MLLT6: variants seen among roughly 807,000 people sequenced by gnomAD.
MLLT6 encodes the protein protein AF-17.
A neutral mutation model predicts 103.0 loss-of-function variants in MLLT6; 22 were observed. The ratio of observed to expected loss-of-function variants is 0.21; its 90% CI spans 0.15 to 0.31. The LOEUF is 0.31. MLLT6 is among the 10% of genes least tolerant of loss of function. MLLT6 has a pLI of 1.00. For missense variants in MLLT6, 1,199 were observed against 1,441.7 expected, an observed-to-expected ratio of 0.83 and a Z score of 2.73; for synonymous variants, 606 against 623.5, an observed-to-expected ratio of 0.97 and a Z score of 0.42.
rs1343705600 is a variant in MLLT6, at chr17:38,712,029, C to T, written c.720+15C>T. ...GCCAGAAGAAGGTAGAAGTCCTCCC[C>T]CACCTGCCATCACTCCCACACGGGG... is the stretch of plus-strand genomic sequence containing the variant. On this transcript the variant is annotated intron_variant, in intron 7 of 19. Coordinates refer to ENST00000621332, the MANE Select transcript of MLLT6 (RefSeq NM_005937.4). The T allele has an allele frequency of 1.3e-5, 20 of 1,534,610 alleles. No homozygotes were observed. The highest frequency in any genetic ancestry group is 1.8e-5 in the Non-Finnish European group (20 of 1,139,094).
rs186310825 is a variant in MLLT6, at chr17:38,709,545, C to T, written c.522C>T (p.Cys174=). ...TGGAGGTGGACAACGTCAAGTACTG[C>T]GGCTACTGCAAATACCACTTCAGCA... is the stretch of plus-strand genomic sequence containing the variant. ...EVLEVDNVKY[C]GYCKYHFSKM... is the part of the protein sequence containing the mutation. Residue 174 remains cysteine (C), a synonymous_variant, in exon 6 of 20, where the codon TGC becomes TGT. Transcript: ENST00000621332. This position sits in a 1 kb window ranked among gnomAD's most constrained non-coding sequence, Gnocchi z 4.3. 372 of 1,614,030 alleles carry T rather than the reference C, an allele frequency of 2.3e-4. 1 individual carries two copies. The East Asian group carries it at 7.1e-3, about 31-fold the overall frequency.
At chr17:38,719,029 A>G (rs1905518220) in intron 12 of MLLT6, 1 of 190,400 alleles carries the variant, frequency 5.3e-6, no homozygotes, top group Non-Finnish European at 1.1e-5. Context: ...AAAGTCATAC[A>G]GAGCTAATTA....
intron 1 of MLLT6, 184 bp from the exon 2 acceptor site, chr17:38,706,766 G>A: frequency 2.1e-6 from 1 of 467,346 alleles, no homozygotes; most frequent in East Asian, 3.4e-5. Context: ...TTAATTGTGT[G>A]GTTGAAGGCT....
At position 38,724,875 on chromosome 17, in the gene MLLT6, G is replaced by C; in HGVS notation, c.3139G>C (p.Ala1047Pro). 1 of 1,561,480 alleles carries C rather than the reference G, an allele frequency of 6.4e-7. No homozygotes were observed. The highest frequency in any genetic ancestry group is 8.7e-7 in the Non-Finnish European group (1 of 1,153,082). ...CATGGCCGCAGCAGCTGCAGCTGCA[G>C]CAGTAGCAGCAGCAGGCGGACCTCC... ...SLMAAAAAAA[A>P]VAAAGGPPVL... The change falls in exon 19 of 20, where the codon GCA becomes CCA. Residue 1047 changes from alanine to proline, a missense_variant. Coordinates refer to ENST00000621332, the MANE Select transcript of MLLT6 (RefSeq NM_005937.4). This position sits in a 1 kb window ranked among gnomAD's most constrained non-coding sequence, Gnocchi z 5.4.
At position 38,709,870 on chromosome 17, in the gene MLLT6, A is replaced by C. The variant is rs1309419477; in HGVS notation, c.552+295A>C. Among the ~76,000 whole-genome samples, 1 of 152,208 alleles carries C rather than the reference A, an allele frequency of 6.6e-6. No individual in the cohort carries two copies. Among genetic ancestry groups the C allele is most frequent in the Non-Finnish European group, 1.5e-5 (1 of 68,038 alleles). ...TTAAGCTGAGTGGAGGTGGAAATCA[A>C]AGTAAGAGCCAACATTTGTGTGGGA... On this transcript the variant is annotated intron_variant, in intron 6 of 19. Transcript: ENST00000621332. The surrounding 1 kb of genome is among the most constrained non-coding windows in gnomAD (Gnocchi z 4.3).
intron 4 of MLLT6, 131 bp downstream of exon 4, chr17:38,708,003 C>T: frequency 3.0e-6 from 2 of 657,716 alleles, no homozygotes; most frequent in Non-Finnish European, 5.5e-6. Flanking sequence ...TGGGTAGGTA[C>T]CTACCAGTGA....
Position 38,711,919 on chromosome 17 carries a change from G to A in MLLT6, c.625G>A (p.Gly209Ser). Residue 209 changes from glycine (G) to serine (S), a missense_variant, in exon 7 of 20, where the codon GGC becomes AGC. By Grantham distance (56) the Gly-to-Ser change is moderately conservative (BLOSUM62 0). Around this residue, in one of 7 missense-constraint regions of MLLT6, gnomAD observed 1,034 missense variants for 1,091.5 expected, o/e 0.95. Coordinates refer to ENST00000621332, the MANE Select transcript of MLLT6 (RefSeq NM_005937.4). ...GGGGGSMGGG[G>S]SGFISGRRSR... is the part of the protein sequence containing the mutation. ...AGGAGGTGGCAGCATGGGGGGAGGT[G>A]GCAGTGGTTTCATCTCTGGGAGGAG... is the stretch of plus-strand genomic sequence containing the variant. 6.2e-7 allele frequency: 1 copy of A among 1,609,208 alleles called. No individual in the cohort carries two copies. Among genetic ancestry groups the A allele is most frequent in the Non-Finnish European group, 8.5e-7 (1 of 1,177,430 alleles).
Position 38,724,600 on chromosome 17 carries a change from G to A in MLLT6, c.2884-20G>A. The A allele has an allele frequency of 2.6e-6, 4 of 1,546,244 alleles. No individual in the cohort carries two copies. The highest frequency in any genetic ancestry group is 3.5e-6 in the Non-Finnish European group (4 of 1,141,234). On this transcript the variant is annotated intron_variant, in intron 18 of 19. Coordinates refer to ENST00000621332, the MANE Select transcript of MLLT6 (RefSeq NM_005937.4). The surrounding 1 kb of genome is among the most constrained non-coding windows in gnomAD (Gnocchi z 5.4). ...GACCCCCGGGACTGTTGGCCAACAA[G>A]CGGTCTGGCCCCCTTGCAGGAACAC...
chr17:38,720,044 C>T (rs1174813911), intron 14 of MLLT6, 149 bp downstream of exon 14: 46 of 1,173,910 alleles, frequency 3.9e-5, no homozygotes, highest in Non-Finnish European at 5.2e-5. Context: ...CCTCCCATCC[C>T]TGCCAGGCCA....
At position 38,716,990 on chromosome 17, in the gene MLLT6, C is replaced by A. The variant is rs745630128; in HGVS notation, c.1651+9C>A. ...CCCCTTACTAGGGGCAGGTTAGTGACCCCTGGGGACAGAGGGCATTTCAGG... is the reference window on the plus strand; with the variant it reads ...CCCCTTACTAGGGGCAGGTTAGTGAACCCTGGGGACAGAGGGCATTTCAGG... On this transcript the variant is annotated intron_variant, in intron 10 of 19. Coordinates refer to ENST00000621332, the MANE Select transcript of MLLT6 (RefSeq NM_005937.4). The surrounding 1 kb of genome is among the most constrained non-coding windows in gnomAD (Gnocchi z 5.6). 1.2e-6 allele frequency: 2 copies of A among 1,612,648 alleles called. No individual in the cohort carries two copies. The highest frequency in any genetic ancestry group is 1.7e-6 in the Non-Finnish European group (2 of 1,179,682).
At chr17:38,708,380 A>G (rs1905020805) in intron 4 of MLLT6, 1 of 154,678 alleles carries the variant, frequency 6.5e-6, no homozygotes. Context: ...AAGGAAGGAG[A>G]CATTTAGGCT....
At position 38,724,642 on chromosome 17, in the gene MLLT6, A is replaced by G; in HGVS notation, c.2906A>G (p.Gln969Arg). ...CAGGAACACCAGACTGTTGTCTACC[A>G]GATGATCCAGCAGATCCAGCAGAAA... ...LTPEHQTVVY[Q>R]MIQQIQQKRE... Residue 969 changes from glutamine (Q) to arginine (R), a missense_variant, in exon 19 of 20, where the codon CAG (glutamine) becomes CGG (arginine). By Grantham distance (43) the Gln-to-Arg change is conservative. This residue lies in a region of MLLT6 where 1,034 missense variants were observed against 1,091.5 expected (regional missense o/e 0.95). Coordinates refer to ENST00000621332, the MANE Select transcript of MLLT6 (RefSeq NM_005937.4). The surrounding 1 kb of genome is among the most constrained non-coding windows in gnomAD (Gnocchi z 5.4). The G allele has an allele frequency of 1.2e-6, 2 of 1,605,464 alleles. No individual in the cohort carries two copies. The highest frequency in any genetic ancestry group is 1.7e-6 in the Non-Finnish European group (2 of 1,174,716).
Position 38,712,734 on chromosome 17 carries a change from G to T in MLLT6, c.764G>T (p.Arg255Leu). ...CGCCTTAAGCAGAAGCACAAGAAGCGGCCTGAGTCGCCCCCCAGCATCCTC... is the reference window on the plus strand; with the variant it reads ...CGCCTTAAGCAGAAGCACAAGAAGCTGCCTGAGTCGCCCCCCAGCATCCTC... Reference protein sequence around the residue: ...KERLKQKHKKRPESPPSILTP... With the variant: ...KERLKQKHKKLPESPPSILTP... The change falls in exon 8 of 20, where the codon CGG becomes CTG. Residue 255 changes from arginine (R) to leucine (L), a missense_variant. By Grantham distance (102) the Arg-to-Leu change is moderately radical. Around this residue, in one of 7 missense-constraint regions of MLLT6, gnomAD observed 1,034 missense variants for 1,091.5 expected, o/e 0.95. Coordinates refer to ENST00000621332, the MANE Select transcript of MLLT6 (RefSeq NM_005937.4). 1 of 1,613,896 alleles carries T rather than the reference G, an allele frequency of 6.2e-7. No homozygotes were observed. The highest frequency in any genetic ancestry group is 8.5e-7 in the Non-Finnish European group (1 of 1,179,878).
chr17:38,718,888 G>A (rs1056077147), intron 12 of MLLT6: 1 of 152,768 alleles, frequency 6.5e-6, no homozygotes, highest in Non-Finnish European at 1.5e-5. Flanking sequence ...AAGCCTTAAA[G>A]GGGACAAATA....
At chr17:38,717,131 C>T in intron 10 of MLLT6, 150 bp downstream of exon 10, 1 of 1,203,726 alleles carries the variant, frequency 8.3e-7, no homozygotes, top group Non-Finnish European at 1.1e-6. Context: ...ACATCCCCCT[C>T]TGCATGCGTG....
chr17:38,709,464 G>T lies in MLLT6; in HGVS notation c.459-18G>T, dbSNP rs777648770. ...TGATCTGTGGCCTCAGCCGTCTCAGGCTGCCTTCTCTGGTTAGTGCCCAAA... is the reference window on the plus strand; with the variant it reads ...TGATCTGTGGCCTCAGCCGTCTCAGTCTGCCTTCTCTGGTTAGTGCCCAAA... On this transcript the variant is annotated intron_variant, in intron 5 of 19. Transcript: ENST00000621332. The surrounding 1 kb of genome is among the most constrained non-coding windows in gnomAD (Gnocchi z 4.3). 5.6e-6 allele frequency: 9 copies of T among 1,608,980 alleles called. No homozygotes were observed.
rs752739345 is a variant in MLLT6, at chr17:38,719,799, C to A, written c.2059C>A (p.Pro687Thr). The A allele has an allele frequency of 6.2e-7, 1 of 1,613,480 alleles. No individual in the cohort carries two copies. Among genetic ancestry groups the A allele is most frequent in the South Asian group, 1.1e-5 (1 of 91,064 alleles). Residue 687 changes from proline to threonine, a missense_variant, in exon 14 of 20, where the codon CCC (proline) becomes ACC (threonine). Around this residue, in one of 7 missense-constraint regions of MLLT6, gnomAD observed 1,034 missense variants for 1,091.5 expected, o/e 0.95. Transcript: ENST00000621332. ...ACTCTTCGACCAGACAGCCTCTGCA[C>A]CCTGTGGGGGCGGCCAGTTAGACCC... ...PALFDQTASAPCGGGQLDPAA... is the reference protein window; with the variant it reads ...PALFDQTASATCGGGQLDPAA...
chr17:38,721,807 G>A (rs998158683), intron 16 of MLLT6, 71 bp from the exon 17 acceptor site: 2 of 1,061,944 alleles, frequency 1.9e-6, no homozygotes, highest in African/African-American at 3.3e-5. Context: ...GAGAATGCTG[G>A]TGGGTGCTGG....
At chr17:38,706,366 ACAG>A (rs1904926226) in intron 1 of MLLT6, 1 of 152,274 alleles carries the variant, frequency 6.6e-6, no homozygotes, top group East Asian at 1.9e-4. Flanking sequence ...CCTGCCTGGC[ACAG>A]GCAGCCGGGC....
Sources: allele counts gnomAD v4.1 joint callset (sites outside exome capture counted in the v4.1 genomes callset), GRCh38; gene constraint gnomAD v4.1.1; regional missense constraint gnomAD v4.1.1; non-coding constraint Gnocchi (gnomAD v3.1); transcripts MANE v1.5; gene names NCBI Gene and HGNC (gene_info 2026-07-23, HGNC 2026-07-21).